NRXN1: variants seen among roughly 807,000 people sequenced by gnomAD.
The protein encoded by NRXN1 is neurexin-1.
Under a neutral mutation model 150.9 loss-of-function variants are expected in NRXN1, and 39 were observed. The ratio of observed to expected loss-of-function variants is 0.26; its 90% CI spans 0.20 to 0.34. The LOEUF is 0.34. Among genes scored for constraint, NRXN1 ranks in the 10% least tolerant of loss-of-function variants. The pLI, the probability that NRXN1 is intolerant of heterozygous loss-of-function variation, is 1.00. For missense variants in NRXN1, 1,815 were observed against 1,949.9 expected, an observed-to-expected ratio of 0.93 and a Z score of 1.30; for synonymous variants, 924 against 757.0, an observed-to-expected ratio of 1.22 and a Z score of -3.62.
chr2:51,004,812 G>C (rs1197308548), intron 2 of NRXN1, among the ~76,000 whole-genome samples: 1 of 151,930 alleles, frequency 6.6e-6, no homozygotes, highest in Admixed American at 6.6e-5. Flanking sequence ...GAATTTTCTT[G>C]TGCCAAGGTT....
At chr2:49,941,426 G>C (rs1361012244) in intron 22 of NRXN1, among the ~76,000 whole-genome samples, 1 of 151,574 alleles carries the variant, frequency 6.6e-6, no homozygotes, top group Non-Finnish European at 1.5e-5. Context: ...CTTAGGTCTA[G>C]TGTCACCAGA....
intron 17 of NRXN1, among the ~76,000 whole-genome samples, chr2:50,318,833 G>A (rs2075810533): frequency 6.6e-6 from 1 of 151,958 alleles, no homozygotes; most frequent in African/African-American, 2.4e-5. Context: ...AATAAGAGGG[G>A]CATACACAGT....
At chr2:50,111,324 T>C (rs1276113286) in intron 18 of NRXN1, among the ~76,000 whole-genome samples, 1 of 152,170 alleles carries the variant, frequency 6.6e-6, no homozygotes, top group South Asian at 2.1e-4. Flanking sequence ...AAGCAGCCTA[T>C]TCATTATTAA....
intron 19 of NRXN1, among the ~76,000 whole-genome samples, chr2:50,087,646 T>C (rs909708067): frequency 9.2e-5 from 14 of 152,170 alleles, no homozygotes; most frequent in Non-Finnish European, 7.4e-5. Flanking sequence ...TTGTAAAATA[T>C]TATCTCTGTA....
intron 2 of NRXN1, among the ~76,000 whole-genome samples, chr2:50,953,749 C>T (rs923246166): frequency 4.6e-5 from 7 of 151,758 alleles, no homozygotes; most frequent in South Asian, 2.1e-4. Flanking sequence ...TTAGTAGAGA[C>T]GAAATTTCAC....
At chr2:50,749,985 T>C (rs1254876612) in intron 5 of NRXN1, among the ~76,000 whole-genome samples, 1 of 152,044 alleles carries the variant, frequency 6.6e-6, no homozygotes, top group African/African-American at 2.4e-5. Context: ...GGTTTTAAAA[T>C]AAAAGATTGT....
chr2:50,506,079 T>C (rs545566705), intron 13 of NRXN1, among the ~76,000 whole-genome samples: 6 of 152,138 alleles, frequency 3.9e-5, no homozygotes, highest in Non-Finnish European at 5.9e-5. Context: ...GAAAGCCAGA[T>C]AGATAAACGC....
intron 5 of NRXN1, among the ~76,000 whole-genome samples, chr2:50,809,853 G>A (rs1028323045): frequency 6.6e-6 from 1 of 152,092 alleles, no homozygotes; most frequent in Admixed American, 6.5e-5. Context: ...GCTCTCTGAA[G>A]GAGAAATCAT....
intron 18 of NRXN1, among the ~76,000 whole-genome samples, chr2:50,122,335 A>C (rs1431032247): frequency 6.6e-6 from 1 of 152,192 alleles, no homozygotes; most frequent in African/African-American, 2.4e-5. Context: ...GCAAAGGCTA[A>C]TTTTTCCAAA....
At chr2:50,966,780 A>C (rs1460651485) in intron 2 of NRXN1, among the ~76,000 whole-genome samples, 1 of 151,836 alleles carries the variant, frequency 6.6e-6, no homozygotes, top group Non-Finnish European at 1.5e-5. Flanking sequence ...GATAAGGGAA[A>C]TCTACTTTAA....
At chr2:50,437,875 T>TTGTGAATGTCCATTCTA (rs1387983679) in intron 17 of NRXN1, among the ~76,000 whole-genome samples, 1 of 152,204 alleles carries the variant, frequency 6.6e-6, no homozygotes, top group Non-Finnish European at 1.5e-5. Flanking sequence ...TAAAATTCAT[T>TTGTGAATGTCCATTCTA]TGTGAATGTC....
chr2:50,019,096 C>T, intron 21 of NRXN1: 1 of 303,888 alleles, frequency 3.3e-6, no homozygotes. Flanking sequence ...CAAATCCTTC[C>T]AAAACATTAC....
intron 17 of NRXN1, among the ~76,000 whole-genome samples, chr2:50,305,013 G>A (rs987876479): frequency 6.6e-6 from 1 of 152,020 alleles, no homozygotes. Context: ...TTGCTTGAAC[G>A]TGGGAGGCAG....
intron 13 of NRXN1, among the ~76,000 whole-genome samples, chr2:50,505,045 C>A (rs957148280): frequency 6.6e-6 from 1 of 152,110 alleles, no homozygotes; most frequent in African/African-American, 2.4e-5. Context: ...TTCAGTAGTT[C>A]ATCTGTTACT....
chr2:50,173,363 G>A (rs1372574050), intron 18 of NRXN1, among the ~76,000 whole-genome samples: 1 of 152,100 alleles, frequency 6.6e-6, no homozygotes, highest in African/African-American at 2.4e-5. Context: ...CTTATCAATG[G>A]CAATGCATAA....
intron 18 of NRXN1, among the ~76,000 whole-genome samples, chr2:50,127,624 T>C (rs1704804580): frequency 6.6e-6 from 1 of 152,134 alleles, no homozygotes; most frequent in African/African-American, 2.4e-5. Context: ...CTATATGTCT[T>C]ATCACTTATC....
intron 5 of NRXN1, among the ~76,000 whole-genome samples, chr2:50,707,603 C>G (rs1559150379): frequency 6.6e-6 from 1 of 152,136 alleles, no homozygotes; most frequent in Non-Finnish European, 1.5e-5. Flanking sequence ...CTGATGAAGC[C>G]TGGGAAGCTG....
chr2:50,675,349 T>C (rs1486413769), intron 5 of NRXN1, among the ~76,000 whole-genome samples: 2 of 152,166 alleles, frequency 1.3e-5, no homozygotes, highest in Non-Finnish European at 2.9e-5. Flanking sequence ...GCTCCTCAAG[T>C]ATTTTGGGCT....
chr2:50,613,794 C>T (rs1342232424), intron 8 of NRXN1, among the ~76,000 whole-genome samples: 15 of 151,928 alleles, frequency 9.9e-5, no homozygotes, highest in Non-Finnish European at 1.8e-4. Context: ...AAAAATTACC[C>T]GGGCATGGTG....
Sources: gnomAD v4.1 joint callset for allele counts (sites outside exome capture counted in the v4.1 genomes callset) on GRCh38, gnomAD v4.1.1 for gene constraint, MANE v1.5 for transcripts, NCBI Gene and HGNC (gene_info 2026-07-23, HGNC 2026-07-21) for gene names.